RNASEH2B: variants seen among roughly 807,000 people sequenced by gnomAD.
RNASEH2B encodes Aicardi-Goutieres syndrome 2 protein.
In RNASEH2B, 36 loss-of-function variants were observed where a neutral mutation model predicts 45.0. That is an observed-to-expected ratio of 0.80 (90% CI 0.61 to 1.06). The LOEUF is 1.06. Ranked by LOEUF, RNASEH2B falls within the 50% of genes least tolerant of loss-of-function variation. RNASEH2B has a pLI of 0.00. For missense variants in RNASEH2B, 361 were observed against 360.3 expected (o/e 1.00, Z -0.02); for synonymous variants, 119 against 125.7 (o/e 0.95, Z 0.35).
At chr13:50,925,347 A>C (rs1951579666) in intron 1 of RNASEH2B, among the ~76,000 whole-genome samples, 1 of 151,972 alleles carries the variant, frequency 6.6e-6, no homozygotes, top group South Asian at 2.1e-4. Flanking sequence ...TTTACTCATT[A>C]TGGGCCATAT....
chr13:50,944,656 G>A (rs1951878623), intron 6 of RNASEH2B, among the ~76,000 whole-genome samples: 1 of 151,904 alleles, frequency 6.6e-6, no homozygotes. Context: ...TAAATAAATT[G>A]TGTTTATTTG....
downstream of RNASEH2B, among the ~76,000 whole-genome samples, chr13:50,957,472 A>G (rs1353359468): frequency 2.0e-5 from 3 of 152,054 alleles, no homozygotes; most frequent in Non-Finnish European, 4.4e-5. Context: ...TGGTGTATAT[A>G]TGCCATGTTT....
intron 5 of RNASEH2B, 58 bp downstream of exon 5, chr13:50,935,057 G>A (rs1951730027): frequency 6.3e-6 from 7 of 1,107,676 alleles, no homozygotes; most frequent in Admixed American, 3.5e-5. Flanking sequence ...GCCTAAGAAC[G>A]TGGCTGCTTA....
At chr13:50,951,568 C>T (rs887563085) in intron 9 of RNASEH2B, 1 of 152,094 alleles carries the variant, frequency 6.6e-6, no homozygotes, top group Non-Finnish European at 1.5e-5. Flanking sequence ...TTCCCGAGTT[C>T]CTTCTTGCAA....
intron 10 of RNASEH2B, 65 bp downstream of exon 10, chr13:50,954,050 A>C (rs2138020495): frequency 3.1e-6 from 3 of 969,920 alleles, no homozygotes; most frequent in East Asian, 2.4e-5. Flanking sequence ...TGAATACATG[A>C]GGAACAGTTG....
At chr13:50,963,659 T>G (rs1183679678) in intron 9 of RNASEH2B, among the ~76,000 whole-genome samples, 2 of 152,316 alleles carry the variant, frequency 1.3e-5, no homozygotes, top group East Asian at 3.9e-4. Context: ...CCTCTCTCTT[T>G]TACTTTATTT....
At chr13:50,926,739 TG>T (rs1446477212) in intron 1 of RNASEH2B, among the ~76,000 whole-genome samples, 1 of 152,026 alleles carries the variant, frequency 6.6e-6, no homozygotes, top group African/African-American at 2.4e-5. Context: ...TATGATTACA[TG>T]AAGATTTTAT....
chr13:50,914,300 GTA>G (rs1421802564), intron 1 of RNASEH2B, among the ~76,000 whole-genome samples: 1 of 152,122 alleles, frequency 6.6e-6, no homozygotes, highest in Non-Finnish European at 1.5e-5. Flanking sequence ...CGGTATGTAT[GTA>G]TATGTTTGTG....
At chr13:50,910,712 T>C (rs1364123517) in intron 1 of RNASEH2B, 2 of 152,470 alleles carry the variant, frequency 1.3e-5, no homozygotes, top group African/African-American at 4.8e-5. Context: ...AGCCCCCGTG[T>C]GGATGATGAC....
At chr13:50,916,348 G>C (rs575618228) in intron 1 of RNASEH2B, among the ~76,000 whole-genome samples, 2 of 152,244 alleles carry the variant, frequency 1.3e-5, no homozygotes, top group South Asian at 4.2e-4. Flanking sequence ...CATAAAATTG[G>C]AGAAAGTTCA....
At position 50,956,586 on chromosome 13, in the gene RNASEH2B, GTT is replaced by G; in HGVS notation, c.*113_*114del. On this transcript the variant is annotated 3_prime_UTR_variant, in exon 11 of 11. Coordinates refer to ENST00000336617, the MANE Select transcript of RNASEH2B (RefSeq NM_024570.4). Reference sequence around the variant, plus strand: ...GGGGGAAGGAAGAGGCCAATTTCATGTTCTCTTAAACATTTCTTTGCATTTGG... The same window carrying G: ...GGGGGAAGGAAGAGGCCAATTTCATGCTCTTAAACATTTCTTTGCATTTGG... The G allele has an allele frequency of 6.6e-7, 1 of 1,511,226 alleles. No individual in the cohort carries two copies. The highest frequency in any genetic ancestry group is 1.2e-5 in the South Asian group (1 of 80,660). The allele number at this position is 1,511,226 out of a possible 1,614,324, so 93.6% of individuals were successfully genotyped here.
chr13:50,944,030 G>C (rs1263890032), intron 6 of RNASEH2B, among the ~76,000 whole-genome samples: 1 of 150,476 alleles, frequency 6.6e-6, no homozygotes, highest in Non-Finnish European at 1.5e-5. Flanking sequence ...CGGGACGGAC[G>C]GGACGTGATG....
rs549365464 is a variant in RNASEH2B, at chr13:50,943,546, G to C, written c.510+152G>C. 2.7e-5 allele frequency: 18 copies of C among 666,914 alleles called. No individual in the cohort carries two copies. The African/African-American group carries it at 3.3e-4, about 12-fold the overall frequency. The allele number at this position is 666,914 out of a possible 1,614,324, so 41.3% of individuals were successfully genotyped here. On this transcript the variant is annotated intron_variant, in intron 6 of 10. Transcript: ENST00000336617. ...TAGAGATACCAAGTATGAGAAGAAG[G>C]CTTTGACTTTTTAATCCTCCCTAAC...
At chr13:50,960,135 T>G, downstream of RNASEH2B, 1 of 1,136,796 alleles carries the variant, frequency 8.8e-7, no homozygotes, top group Non-Finnish European at 1.1e-6. Flanking sequence ...TGAAATCTGT[T>G]TTTTTCCAGC....
chr13:50,929,849 G>A (rs1199529627), intron 3 of RNASEH2B, among the ~76,000 whole-genome samples: 3 of 152,206 alleles, frequency 2.0e-5, no homozygotes, highest in Non-Finnish European at 4.4e-5. Flanking sequence ...TCCTGAGTTA[G>A]AAGTTAGATT....
At chr13:50,931,122 A>C (rs1207798942) in intron 4 of RNASEH2B, among the ~76,000 whole-genome samples, 1 of 152,220 alleles carries the variant, frequency 6.6e-6, no homozygotes, top group Non-Finnish European at 1.5e-5. Flanking sequence ...CACATGTCTT[A>C]AAGAGTCTCT....
At chr13:50,953,661 C>T (rs553195451) in intron 9 of RNASEH2B, 2 of 544,174 alleles carry the variant, frequency 3.7e-6, no homozygotes, top group East Asian at 3.1e-5. Flanking sequence ...CTAAGGGGCT[C>T]AGCCATGTAC....
chr13:50,954,435 T>A (rs1337950980), intron 10 of RNASEH2B: 1 of 212,722 alleles, frequency 4.7e-6, no homozygotes, highest in Non-Finnish European at 9.3e-6. Context: ...GCCTTTAACA[T>A]TGGCATTATA....
At chr13:50,931,732 A>T (rs920864833) in intron 4 of RNASEH2B, among the ~76,000 whole-genome samples, 1 of 152,212 alleles carries the variant, frequency 6.6e-6, no homozygotes, top group Non-Finnish European at 1.5e-5. Flanking sequence ...AATACTGCCT[A>T]AAAAATCAAC....
Sources: gnomAD v4.1 joint callset for allele counts (sites outside exome capture counted in the v4.1 genomes callset) on GRCh38, gnomAD v4.1.1 for gene constraint, MANE v1.5 for transcripts, NCBI Gene and HGNC (gene_info 2026-07-23, HGNC 2026-07-21) for gene names.